The following TGIF1 variants were observed in gnomAD, a reference collection of about 807,000 sequenced individuals.
TGIF1 encodes homeobox protein TGIF1.
A neutral mutation model predicts 19.3 loss-of-function variants in TGIF1; 4 were observed. The ratio of observed to expected loss-of-function variants is 0.21; its 90% CI spans 0.10 to 0.47. TGIF1 has a LOEUF of 0.47. Among genes scored for constraint, TGIF1 ranks in the 20% least tolerant of loss-of-function variants. TGIF1 has a pLI of 0.98. For missense variants in TGIF1, 275 were observed against 341.4 expected, an observed-to-expected ratio of 0.81 and a Z score of 1.53; for synonymous variants, 122 against 129.3, an observed-to-expected ratio of 0.94 and a Z score of 0.38.
At position 3,456,039 on chromosome 18, in the gene TGIF1, G is replaced by T; in HGVS notation, c.17-315G>T. The T allele has an allele frequency of 2.5e-6, 1 of 407,766 alleles. No individual in the cohort carries two copies. The highest frequency in any genetic ancestry group is 4.6e-6 in the Non-Finnish European group (1 of 216,232). 25.3% of individuals were successfully genotyped at this position (407,766 alleles called of 1,614,324 possible). ...CAAATGTGGCAGGTTATTCATTTTG[G>T]GTGCAGTTTGTCTCCTCCAATGATT... On this transcript the variant is annotated intron_variant, in intron 1 of 2. Coordinates refer to ENST00000343820, the MANE Select transcript of TGIF1 (RefSeq NM_003244.4). The surrounding 1 kb of genome is among the most constrained non-coding windows in gnomAD (Gnocchi z 4.2).
chr18:3,424,306 G>A (rs914491970), intron 2 of TGIF1, among the ~76,000 whole-genome samples: 3 of 151,968 alleles, frequency 2.0e-5, no homozygotes, highest in African/African-American at 4.8e-5. Context: ...TATCTCACAC[G>A]AGAGTGTGAA....
At chr18:3,424,298 T>A (rs1054338654) in intron 2 of TGIF1, among the ~76,000 whole-genome samples, 6 of 152,156 alleles carry the variant, frequency 3.9e-5, no homozygotes, top group Non-Finnish European at 7.3e-5. Flanking sequence ...GGGAGGCATA[T>A]CTCACACGAG....
At chr18:3,416,529 A>C (rs1191486184) in intron 1 of TGIF1, among the ~76,000 whole-genome samples, 1 of 151,650 alleles carries the variant, frequency 6.6e-6, no homozygotes, top group Non-Finnish European at 1.5e-5. Flanking sequence ...AAAACAAAGA[A>C]AAGCATTTGC....
chr18:3,422,427 A>C (rs1413941744), intron 2 of TGIF1, among the ~76,000 whole-genome samples: 1 of 151,518 alleles, frequency 6.6e-6, no homozygotes. Flanking sequence ...AAAGTCAAAA[A>C]GTTTTTAAAA....
chr18:3,452,289 C>T (rs1238999531), intron 1 of TGIF1: 44 of 1,611,428 alleles, frequency 2.7e-5, no homozygotes, highest in Non-Finnish European at 3.6e-5. Flanking sequence ...CAAGGCTGGG[C>T]CCCGCCGGCC....
At chr18:3,421,815 G>A (rs1485541134) in intron 2 of TGIF1, among the ~76,000 whole-genome samples, 4 of 152,004 alleles carry the variant, frequency 2.6e-5, no homozygotes, top group South Asian at 2.1e-4. Flanking sequence ...TATTGCAAAA[G>A]ACGGCATTGT....
chr18:3,453,051 T>C (rs1378947876), intron 1 of TGIF1, among the ~76,000 whole-genome samples: 1 of 152,168 alleles, frequency 6.6e-6, no homozygotes, highest in Admixed American at 6.5e-5. Context: ...ACCTTGGATT[T>C]GGTGGCTTGA....
rs1360631046 is a variant in TGIF1 at position 3,444,399 on chromosome 18, T to G, written c.-44-11955T>G. On this transcript the variant is annotated intron_variant, in intron 2 of 3. Transcript: ENST00000401449. Reference sequence around the variant, plus strand: ...GTCACAGGGTTTGTTGTACATATTATTTCATCATCCAGATAAGCCCAGTAC... The same window carrying G: ...GTCACAGGGTTTGTTGTACATATTAGTTCATCATCCAGATAAGCCCAGTAC... Among the ~76,000 whole-genome samples, 4 of 152,082 alleles carry G rather than the reference T, an allele frequency of 2.6e-5. No homozygotes were observed. In the East Asian group the frequency reaches 7.7e-4, roughly 29 times the overall value.
upstream of TGIF1, among the ~76,000 whole-genome samples, chr18:3,447,221 A>G (rs1295896123): frequency 1.3e-5 from 2 of 152,136 alleles, no homozygotes; most frequent in African/African-American, 4.8e-5. Flanking sequence ...AAAAACGTTT[A>G]TCAGTAGCCT....
In TGIF1 at chr18:3,458,451, C is replaced by T. The variant is rs111809301; in HGVS notation, c.*511C>T. ...AGTATTTCTGTTGAGGGAGGTGCTT[C>T]TTAAAAATAAGTAGGAATATAGCAC... On this transcript the variant is annotated 3_prime_UTR_variant, in exon 3 of 3. Coordinates refer to ENST00000343820, the MANE Select transcript of TGIF1 (RefSeq NM_003244.4). 3.0e-5 allele frequency: 5 copies of T among 166,174 alleles called. No individual in the cohort carries two copies. Among genetic ancestry groups the T allele is most frequent in the Admixed American group, 3.0e-4 (5 of 16,760 alleles). 10.3% of individuals were successfully genotyped at this position (166,174 alleles called of 1,614,324 possible).
chr18:3,450,301 GTCACTT>G lies in TGIF1; in HGVS notation c.-188_-183del. 6.9e-7 allele frequency: 1 copy of G among 1,446,068 alleles called. No individual in the cohort carries two copies. The highest frequency in any genetic ancestry group is 9.1e-7 in the Non-Finnish European group (1 of 1,100,314). The allele number at this position is 1,446,068 out of a possible 1,614,324, so 89.6% of individuals were successfully genotyped here. A position where few individuals can be genotyped will look rare whatever the true frequency, so the allele number is the denominator to read the frequency against. ...GATCCCGGCGGGAGGAAGCCCAAGT[GTCACTT>G]GAATTCCACCCAAGGAGCGGGCGCC... On this transcript the variant is annotated 5_prime_UTR_variant, in exon 1 of 3. Transcript: ENST00000343820.
At chr18:3,443,585 CT>C (rs1388876749) in intron 2 of TGIF1, among the ~76,000 whole-genome samples, 5 of 151,436 alleles carry the variant, frequency 3.3e-5, no homozygotes, top group Non-Finnish European at 1.5e-5. Context: ...ATAATGAGAA[CT>C]TTTTTTTTGA....
intron 2 of TGIF1, among the ~76,000 whole-genome samples, chr18:3,440,595 G>A (rs775471179): frequency 1.3e-5 from 2 of 152,114 alleles, no homozygotes; most frequent in Admixed American, 6.6e-5. Flanking sequence ...TTTCCGCCCC[G>A]ATTAGAAAGG....
At position 3,428,598 on chromosome 18, in the gene TGIF1, A is replaced by G. The variant is rs80327164; in HGVS notation, c.-45+10383A>G. Among the ~76,000 whole-genome samples, 1,203 of 151,818 alleles carry G rather than the reference A, an allele frequency of 7.9e-3. 15 individuals are homozygous for G. The highest frequency in any genetic ancestry group is 0.027 in the African/African-American group (1,125 of 41,372). Reference sequence around the variant, plus strand: ...TAAAATACAAAAAGATTATCCGGGCATGGTGGCACGCGCCTGTAGTCCCAG... The same window carrying G: ...TAAAATACAAAAAGATTATCCGGGCGTGGTGGCACGCGCCTGTAGTCCCAG... On this transcript the variant is annotated intron_variant, in intron 2 of 3. Transcript: ENST00000401449.
At chr18:3,422,345 T>C (rs2082411367) in intron 2 of TGIF1, among the ~76,000 whole-genome samples, 1 of 132,340 alleles carries the variant, frequency 7.6e-6, no homozygotes, top group African/African-American at 2.7e-5. Context: ...GCTTATAGAA[T>C]ATGGACATGA....
chr18:3,446,306 C>T (rs893315243), upstream of TGIF1, among the ~76,000 whole-genome samples: 1 of 152,176 alleles, frequency 6.6e-6, no homozygotes, highest in African/African-American at 2.4e-5. Context: ...GTCTCAGCCT[C>T]CCAAGTAGCT....
chr18:3,456,599 AGGTTTATG>A lies in TGIF1; in HGVS notation c.243+21_243+28del, dbSNP rs1268801976. ...GCTACAGGTAAAGAAAGAGAGCGTGAGGTTTATGGATGCATTTTTAGTTTCAAAGTCAT... is the reference window on the plus strand; with the variant it reads ...GCTACAGGTAAAGAAAGAGAGCGTGAGATGCATTTTTAGTTTCAAAGTCAT... On this transcript the variant is annotated intron_variant, in intron 2 of 2. Transcript: ENST00000343820. This position sits in a 1 kb window ranked among gnomAD's most constrained non-coding sequence, Gnocchi z 4.2. 1 of 1,608,638 alleles carries A rather than the reference AGGTTTATG, an allele frequency of 6.2e-7. No individual in the cohort carries two copies. The highest frequency in any genetic ancestry group is 8.5e-7 in the Non-Finnish European group (1 of 1,175,206).
In TGIF1 at chr18:3,451,355, G is replaced by A; in HGVS notation, c.16+850G>A. ...AACAAAATACACCGGAGGGGGACGG[G>A]GGGTGGAGAAACCACACAAAACACC... is the stretch of plus-strand genomic sequence containing the variant. On this transcript the variant is annotated intron_variant, in intron 1 of 2. Transcript: ENST00000343820. This position sits in a 1 kb window ranked among gnomAD's most constrained non-coding sequence, Gnocchi z 5.4. 2.0e-6 allele frequency: 2 copies of A among 985,040 alleles called. No individual in the cohort carries two copies. Among genetic ancestry groups the A allele is most frequent in the Non-Finnish European group, 2.4e-6 (2 of 829,898 alleles). 61.0% of individuals were successfully genotyped at this position (985,040 alleles called of 1,614,324 possible).
chr18:3,440,113 G>A (rs565496818), intron 2 of TGIF1, among the ~76,000 whole-genome samples: 52 of 152,220 alleles, frequency 3.4e-4, no homozygotes, highest in South Asian at 6.2e-4. Context: ...CACTTTGGGA[G>A]GCTGAGGAGA....
Sources: allele counts gnomAD v4.1 joint callset (sites outside exome capture counted in the v4.1 genomes callset), GRCh38; gene constraint gnomAD v4.1.1; non-coding constraint Gnocchi (gnomAD v3.1); transcripts MANE v1.5; gene names NCBI Gene and HGNC (gene_info 2026-07-23, HGNC 2026-07-21).